The following PDK3 variants were observed in gnomAD, a reference collection of about 807,000 sequenced individuals.
PDK3 encodes the protein pyruvate dehydrogenase kinase, isozyme 3.
In PDK3, 12 loss-of-function variants were observed where a neutral mutation model predicts 32.0. The ratio of observed to expected loss-of-function variants is 0.37; its 90% CI spans 0.24 to 0.61. PDK3 has a LOEUF of 0.61. Ranked by LOEUF, PDK3 falls within the 20% of genes least tolerant of loss-of-function variation. PDK3 has a pLI of 0.65. For synonymous variants in PDK3, 122 were observed against 116.3 expected, an observed-to-expected ratio of 1.05 and a Z score of -0.31; for missense variants, 188 against 316.9, an observed-to-expected ratio of 0.59 and a Z score of 3.09.
chrX:24,480,154 AGTTT>A (rs1160344047), intron 1 of PDK3, among the ~76,000 whole-genome samples: 4 of 111,705 alleles, frequency 3.6e-5, no homozygotes, highest in Non-Finnish European at 7.5e-5. Flanking sequence ...TTCCTTCTCG[AGTTT>A]GTTTAGTTTT....
chrX:24,525,474 C>T (rs1922499983), intron 6 of PDK3, among the ~76,000 whole-genome samples: 2 of 112,352 alleles, frequency 1.8e-5, no homozygotes, highest in Non-Finnish European at 3.8e-5. Flanking sequence ...GAAATTACAG[C>T]ATTCTACCTG....
chrX:24,505,660 T>C (rs952354091), intron 5 of PDK3, among the ~76,000 whole-genome samples: 2 of 112,196 alleles, frequency 1.8e-5, no homozygotes, highest in Admixed American at 1.9e-4. Context: ...TTCACGTGTC[T>C]ATAAAATTTA....
intron 5 of PDK3, chrX:24,513,540 G>A (rs940456532): frequency 7.2e-6 from 1 of 138,421 alleles, no homozygotes; most frequent in Non-Finnish European, 1.5e-5. Context: ...TATGCTGATA[G>A]AGGGCCGTGT....
Position 24,498,808 on chromosome X carries a change from CTTTTTTT to C in PDK3, c.249-15_249-9del. ...AACTAACATAGTAACTCTTCTTTTT[CTTTTTTT>C]TTTTTCCTTTTAGGTATATGCAGAG... On this transcript the variant is annotated splice_polypyrimidine_tract_variant and intron_variant, in intron 2 of 10. Transcript: ENST00000379162. 1 of 796,442 alleles carries C rather than the reference CTTTTTTT, an allele frequency of 1.3e-6. No homozygotes were observed. The allele number at this position is 796,442 out of a possible 1,213,427, so 65.6% of individuals were successfully genotyped here. A position where few individuals can be genotyped will look rare whatever the true frequency, so the allele number is the denominator to read the frequency against.
rs1923044233 is a variant in PDK3, at chrX:24,548,722, C to G, written c.*9558C>G. On this transcript the variant is annotated 3_prime_UTR_variant, in exon 12 of 12. Coordinates refer to the PDK3 transcript ENST00000568479. ...TTTAAAATATTCATACCTTGAGATT[C>G]TTTTTGAGAGAAAAAAGAAATCTTA... The G allele has an allele frequency of 3.6e-5, 4 of 111,954 alleles. No homozygotes were observed. In the Admixed American group the frequency reaches 3.8e-4, roughly 11 times the overall value. The allele number at this position is 111,954 out of a possible 1,213,427, so 9.2% of individuals were successfully genotyped here. A position where few individuals can be genotyped will look rare whatever the true frequency, so the allele number is the denominator to read the frequency against.
Position 24,482,425 on chromosome X carries a change from G to A in PDK3, c.107-12317G>A, listed in dbSNP as rs60066411. ...GGGTTTCACCATGTTGTCCAAGCTGGTCTCGAACTCCTGACCTCAAGTAAT... is the reference window on the plus strand; with the variant it reads ...GGGTTTCACCATGTTGTCCAAGCTGATCTCGAACTCCTGACCTCAAGTAAT... On this transcript the variant is annotated intron_variant, in intron 1 of 10. Transcript: ENST00000379162. 1.6e-4 allele frequency among the ~76,000 whole-genome samples: 18 copies of A among 111,646 alleles called. No homozygotes were observed. In the East Asian group the frequency reaches 4.8e-3, roughly 29 times the overall value.
intron 1 of PDK3, among the ~76,000 whole-genome samples, chrX:24,488,342 T>C (rs1306383891): frequency 8.9e-6 from 1 of 112,062 alleles, no homozygotes; most frequent in Non-Finnish European, 1.9e-5. Flanking sequence ...AAATCATACC[T>C]TTTGCAAATA....
In PDK3 at chrX:24,465,539, C is replaced by T; in HGVS notation, c.84C>T (p.Ser28=). ...CGCGCTTTTCGCCGTCGCCGCTCTCCATCAAACAATTCCTGGACTTCGGTG... is the reference window on the plus strand; with the variant it reads ...CGCGCTTTTCGCCGTCGCCGCTCTCTATCAAACAATTCCTGGACTTCGGTG... The part of the protein sequence containing the change: ...RYSRFSPSPL[S]IKQFLDFGRD... The change falls in exon 1 of 11, where the codon TCC becomes TCT. Residue 28 remains serine (S), a synonymous_variant. Transcript: ENST00000379162. The T allele has an allele frequency of 2.5e-6, 3 of 1,206,521 alleles. No individual in the cohort carries two copies. Among genetic ancestry groups the T allele is most frequent in the Non-Finnish European group, 3.4e-6 (3 of 890,691 alleles).
intron 3 of PDK3, among the ~76,000 whole-genome samples, chrX:24,502,705 G>A (rs181324410): frequency 0.01 from 1,132 of 111,087 alleles, 14 homozygotes; most frequent in Admixed American, 0.046. Flanking sequence ...TTAGCCAGGC[G>A]TGGTGGCGTA....
intron 5 of PDK3, among the ~76,000 whole-genome samples, chrX:24,510,505 G>A (rs1485570450): frequency 1.8e-5 from 2 of 112,478 alleles, no homozygotes; most frequent in African/African-American, 6.5e-5. Context: ...TAGTGAGAAC[G>A]TTGTTTTATA....
exon 12 of PDK3, chrX:24,546,069 T>G (rs1315075164): frequency 9.0e-6 from 1 of 111,322 alleles, no homozygotes; most frequent in East Asian, 2.8e-4. Flanking sequence ...ATTTGGAGAG[T>G]CTGTTTTCTG....
intron 2 of PDK3, among the ~76,000 whole-genome samples, chrX:24,497,910 T>G (rs981191878): frequency 1.8e-5 from 2 of 112,412 alleles, no homozygotes; most frequent in Non-Finnish European, 3.8e-5. Context: ...TGGATATAGC[T>G]GCTGCACTAA....
downstream of PDK3, among the ~76,000 whole-genome samples, chrX:24,537,282 ATT>A (rs1167543267): frequency 0.067 from 4,368 of 65,514 alleles, 123 homozygotes; most frequent in African/African-American, 0.14. Context: ...ACGCCTGGCT[ATT>A]TTTTTTTTTT....
chrX:24,535,902 C>T (rs950911803), downstream of PDK3, among the ~76,000 whole-genome samples: 5 of 27,468 alleles, frequency 1.8e-4, no homozygotes, highest in Admixed American at 2.2e-3. Context: ...CCATGCTGGT[C>T]AAAAAAAAAA....
chrX:24,520,559 C>T (rs1922371428), intron 6 of PDK3, among the ~76,000 whole-genome samples: 1 of 112,029 alleles, frequency 8.9e-6, no homozygotes, highest in African/African-American at 3.2e-5. Context: ...TATTTATTTG[C>T]ACATTCCTTT....
At chrX:24,507,981 G>C (rs1922024924) in intron 5 of PDK3, among the ~76,000 whole-genome samples, 1 of 111,593 alleles carries the variant, frequency 9.0e-6, no homozygotes, top group Admixed American at 9.6e-5. Flanking sequence ...ACTATGCTCT[G>C]TACTTGGGTA....
In PDK3 at chrX:24,524,968, C is replaced by T. The variant is rs760625966; in HGVS notation, c.674-1230C>T. Reference sequence around the variant, plus strand: ...GGTCGGGAGTTCGAGACCAGCCTGTCCAACATGGCAAAACCCCGTCTCTAC... The same window carrying T: ...GGTCGGGAGTTCGAGACCAGCCTGTTCAACATGGCAAAACCCCGTCTCTAC... On this transcript the variant is annotated intron_variant, in intron 6 of 10. Coordinates refer to ENST00000379162, the MANE Select transcript of PDK3 (RefSeq NM_005391.5). Among the ~76,000 whole-genome samples, 138 of 111,100 alleles carry T rather than the reference C, an allele frequency of 1.2e-3. 2 individuals are homozygous for T. Among genetic ancestry groups the T allele is most frequent in the Admixed American group, 8.6e-4 (9 of 10,446 alleles).
chrX:24,525,534 G>A (rs1014510313), intron 6 of PDK3, among the ~76,000 whole-genome samples: 2 of 112,026 alleles, frequency 1.8e-5, no homozygotes, highest in Non-Finnish European at 3.8e-5. Context: ...GTCATGAGGA[G>A]GAGGAAGGAC....
intron 7 of PDK3, among the ~76,000 whole-genome samples, 165 bp downstream of exon 7, chrX:24,526,439 T>TGA (rs1569227042): frequency 8.9e-6 from 1 of 112,370 alleles, no homozygotes; most frequent in Non-Finnish European, 1.9e-5. Flanking sequence ...CACTGTGAGA[T>TGA]GAGAAATTGC....
Sources: allele counts gnomAD v4.1 joint callset (sites outside exome capture counted in the v4.1 genomes callset), GRCh38; gene constraint gnomAD v4.1.1; transcripts MANE v1.5; gene names NCBI Gene and HGNC (gene_info 2026-07-23, HGNC 2026-07-21).